The following PPP4R2 variants were observed in gnomAD, a reference collection of about 807,000 sequenced individuals.
PPP4R2 encodes protein phosphatase 4 regulatory subunit 2.
A neutral mutation model predicts 47.2 loss-of-function variants in PPP4R2; 13 were observed. The ratio of observed to expected loss-of-function variants is 0.28; its 90% CI spans 0.18 to 0.44. PPP4R2 has a LOEUF of 0.44. PPP4R2 is among the 20% of genes least tolerant of loss of function. The pLI is 1.00. For missense variants in PPP4R2, 421 were observed against 491.2 expected (o/e 0.86, Z 1.35); for synonymous variants, 151 against 163.3 (o/e 0.92, Z 0.57).
At chr3:73,043,899 A>G (rs1662723888) in intron 2 of PPP4R2, among the ~76,000 whole-genome samples, 1 of 152,224 alleles carries the variant, frequency 6.6e-6, no homozygotes, top group South Asian at 2.1e-4. Context: ...TGTACACATT[A>G]AAGAATAAGT....
intron 3 of PPP4R2, among the ~76,000 whole-genome samples, chr3:73,058,084 G>T (rs1405825821): frequency 7.1e-5 from 10 of 140,582 alleles, no homozygotes. Flanking sequence ...AATGCTAATA[G>T]CTACATGAGC....
chr3:72,999,380 ATAAAT>A (rs1273508427), intron 2 of PPP4R2, among the ~76,000 whole-genome samples: 1 of 152,272 alleles, frequency 6.6e-6, no homozygotes, highest in Non-Finnish European at 1.5e-5. Flanking sequence ...TCTTTCAAAA[ATAAAT>A]TAATCCCTAA....
chr3:73,050,265 C>T (rs1430745218), intron 3 of PPP4R2, among the ~76,000 whole-genome samples: 3 of 151,878 alleles, frequency 2.0e-5, no homozygotes, highest in Non-Finnish European at 1.5e-5. Context: ...GCGCCTGGCC[C>T]GAACTTACAT....
At chr3:73,003,459 C>A (rs1258136483) in intron 2 of PPP4R2, among the ~76,000 whole-genome samples, 1 of 151,680 alleles carries the variant, frequency 6.6e-6, no homozygotes, top group African/African-American at 2.4e-5. Flanking sequence ...GTGATCCTCC[C>A]CCTGCCTTTG....
chr3:73,019,536 G>C (rs1398151490), intron 2 of PPP4R2, among the ~76,000 whole-genome samples: 1 of 152,048 alleles, frequency 6.6e-6, no homozygotes, highest in Non-Finnish European at 1.5e-5. Context: ...ACCACACCCG[G>C]CTAATTTTTG....
At chr3:73,043,597 C>A (rs1188453596) in intron 2 of PPP4R2, among the ~76,000 whole-genome samples, 1 of 152,194 alleles carries the variant, frequency 6.6e-6, no homozygotes, top group African/African-American at 2.4e-5. Context: ...ATCAACCCAG[C>A]ACTCGTTCAT....
intron 2 of PPP4R2, among the ~76,000 whole-genome samples, chr3:73,044,864 A>T (rs1040889879): frequency 6.6e-6 from 1 of 152,210 alleles, no homozygotes; most frequent in African/African-American, 2.4e-5. Context: ...CTTATCAGAT[A>T]AAAGATTTGC....
chr3:73,000,538 A>G (rs953123793), intron 2 of PPP4R2, among the ~76,000 whole-genome samples: 14 of 152,180 alleles, frequency 9.2e-5, no homozygotes, highest in African/African-American at 2.7e-4. Flanking sequence ...GGCTTTTACA[A>G]TGGAGGAGGT....
At chr3:73,003,215 TTG>T (rs1417731945) in intron 2 of PPP4R2, among the ~76,000 whole-genome samples, 62 of 126,496 alleles carry the variant, frequency 4.9e-4, no homozygotes, top group African/African-American at 1.8e-3. Context: ...ACTTTCCCTT[TTG>T]TTTTTTTTTT....
chr3:73,001,265 T>C (rs936337967), intron 2 of PPP4R2, among the ~76,000 whole-genome samples: 2 of 152,166 alleles, frequency 1.3e-5, no homozygotes, highest in East Asian at 3.9e-4. Flanking sequence ...AATATACTTA[T>C]ATAATTTACT....
At chr3:73,045,032 C>T (rs745422927) in intron 2 of PPP4R2, among the ~76,000 whole-genome samples, 8 of 152,150 alleles carry the variant, frequency 5.3e-5, no homozygotes, top group South Asian at 2.1e-4. Flanking sequence ...CTTGCTCTGT[C>T]GCTCAGGCTG....
chr3:73,011,697 A>C (rs1194800256), intron 2 of PPP4R2, among the ~76,000 whole-genome samples: 2 of 152,190 alleles, frequency 1.3e-5, no homozygotes, highest in African/African-American at 4.8e-5. Context: ...AGTCACCTCA[A>C]GGAAAAAAAC....
intron 2 of PPP4R2, among the ~76,000 whole-genome samples, chr3:72,999,429 G>A (rs1374974008): frequency 6.6e-6 from 1 of 152,138 alleles, no homozygotes; most frequent in East Asian, 1.9e-4. Context: ...TATTCCTCTT[G>A]AATTGCTAGT....
rs1262675519 is a variant in PPP4R2, at chr3:73,047,255, T to C, written c.186T>C (p.Thr62=). ...AGAAAGTGATGGATGATTTCAGAAC[T>C]TCAGCTCCTGAGCCAAGAGGTCCTC... ...KLEKVMDDFR[T]SAPEPRGPPN... Residue 62 remains threonine, a synonymous_variant, in exon 3 of 9, where the codon ACT becomes ACC. Transcript: ENST00000356692. 2 of 1,606,870 alleles carry C rather than the reference T, an allele frequency of 1.2e-6. No individual in the cohort carries two copies. Among genetic ancestry groups the C allele is most frequent in the South Asian group, 2.2e-5 (2 of 90,230 alleles).
intron 4 of PPP4R2, among the ~76,000 whole-genome samples, chr3:73,060,675 T>C (rs1702836442): frequency 6.6e-6 from 1 of 152,202 alleles, no homozygotes; most frequent in African/African-American, 2.4e-5. Context: ...CAATTACATA[T>C]GTCTTAAGTA....
At chr3:73,046,910 C>CT (rs1430913850) in intron 2 of PPP4R2, among the ~76,000 whole-genome samples, 1 of 152,018 alleles carries the variant, frequency 6.6e-6, no homozygotes, top group Non-Finnish European at 1.5e-5. Flanking sequence ...AGAATAGGAC[C>CT]TAACACACCA....
At chr3:73,033,209 T>C (rs992590047) in intron 2 of PPP4R2, among the ~76,000 whole-genome samples, 1 of 152,226 alleles carries the variant, frequency 6.6e-6, no homozygotes, top group African/African-American at 2.4e-5. Flanking sequence ...TTCTACCTAC[T>C]TATTTGATAG....
At chr3:73,053,469 A>G (rs191173177) in intron 3 of PPP4R2, among the ~76,000 whole-genome samples, 3 of 152,180 alleles carry the variant, frequency 2.0e-5, no homozygotes, top group Non-Finnish European at 2.9e-5. Flanking sequence ...ATTTGATGCA[A>G]ATAAAATAAC....
intron 3 of PPP4R2, among the ~76,000 whole-genome samples, chr3:73,048,800 T>C (rs182053636): frequency 1.3e-5 from 2 of 152,368 alleles, no homozygotes; most frequent in Admixed American, 1.3e-4. Context: ...GATTTTGAAA[T>C]AAGATAGTGT....
Sources: allele counts gnomAD v4.1 joint callset (sites outside exome capture counted in the v4.1 genomes callset), GRCh38; gene constraint gnomAD v4.1.1; transcripts MANE v1.5; gene names NCBI Gene and HGNC (gene_info 2026-07-23, HGNC 2026-07-21).